The following FAM216A variants were observed in gnomAD, a reference collection of about 807,000 sequenced individuals.
The protein encoded by FAM216A is family with sequence similarity 216 member A, also known as protein FAM216A.
A neutral mutation model predicts 37.6 loss-of-function variants in FAM216A; 26 were observed. The observed-to-expected ratio is 0.69, with a 90% CI of 0.51 to 0.96. The LOEUF (loss-of-function observed/expected upper bound fraction) is 0.96. Among genes scored for constraint, FAM216A ranks in the 40% least tolerant of loss-of-function variants. The probability of loss-of-function intolerance (pLI) is 0.00; values close to 1 mark genes in which losing one functional copy is unlikely to be tolerated. For synonymous variants in FAM216A, 110 were observed against 121.7 expected (o/e 0.90, Z 0.64); for missense variants, 326 against 339.3 (o/e 0.96, Z 0.31).
intron 1 of FAM216A, among the ~76,000 whole-genome samples, chr12:110,472,829 A>G (rs975957438): frequency 6.6e-6 from 1 of 151,666 alleles, no homozygotes; most frequent in African/African-American, 2.4e-5. Context: ...CTAAAAATAC[A>G]AAAATTAGCT....
intron 2 of FAM216A, among the ~76,000 whole-genome samples, chr12:110,477,521 T>C (rs112545905): frequency 6.7e-5 from 10 of 150,282 alleles, no homozygotes; most frequent in African/African-American, 2.4e-4. Flanking sequence ...CTCGCCTAAT[T>C]TTTTTGTATT....
In FAM216A at chr12:110,485,143, C is replaced by A. The variant is rs2062770102; in HGVS notation, c.250C>A (p.Pro84Thr). 6.2e-7 allele frequency: 1 copy of A among 1,612,764 alleles called. No homozygotes were observed. The highest frequency in any genetic ancestry group is 1.3e-5 in the African/African-American group (1 of 74,842). ...TAAGCTGCAAGAGTTATGGAAAACT[C>A]CCCAAAATCAAACAATCCACCTCTC... The part of the protein sequence containing the change: ...IAKLQELWKT[P>T]QNQTIHLSKS... Residue 84 changes from proline to threonine, a missense_variant, in exon 3 of 7, where the codon CCC (proline) becomes ACC (threonine). Physicochemically the swap from Pro to Thr is conservative, Grantham distance 38. Transcript: ENST00000377673.
chr12:110,470,750 T>C (rs1186832339), intron 1 of FAM216A, among the ~76,000 whole-genome samples: 3 of 152,104 alleles, frequency 2.0e-5, no homozygotes, highest in African/African-American at 7.2e-5. Context: ...AGGTTGTTTG[T>C]CCTTTCCTTT....
At position 110,468,944 on chromosome 12, in the gene FAM216A, G is replaced by C; in HGVS notation, c.69G>C (p.Pro23=). 1 of 1,524,824 alleles carries C rather than the reference G, an allele frequency of 6.6e-7. No homozygotes were observed. Among genetic ancestry groups the C allele is most frequent in the Admixed American group, 2.0e-5 (1 of 50,428 alleles). 94.5% of individuals were successfully genotyped at this position (1,524,824 alleles called of 1,614,324 possible). The change falls in exon 1 of 7, where the codon CCG becomes CCC. Residue 23 remains proline (P), a synonymous_variant. Coordinates refer to ENST00000377673, the MANE Select transcript of FAM216A (RefSeq NM_013300.3). ...LGAAEMPGQG[P]GSDWTERSSS... ...CCGCGGAGATGCCCGGCCAGGGTCC[G>C]GGGTCCGACTGGACGGAGCGTAGCT...
At chr12:110,473,001 AAAAT>A in intron 1 of FAM216A, 73 bp from the exon 2 acceptor site, 9 of 614,556 alleles carry the variant, frequency 1.5e-5, no homozygotes, top group Admixed American at 6.9e-5. Flanking sequence ...AAAAAAAAAA[AAAAT>A]TGAAATATGT....
chr12:110,490,184 G>A lies in FAM216A; in HGVS notation c.*47G>A, dbSNP rs2062804256. 1.1e-6 allele frequency: 1 copy of A among 917,036 alleles called. No individual in the cohort carries two copies. Among genetic ancestry groups the A allele is most frequent in the African/African-American group, 1.6e-5 (1 of 61,500 alleles). The allele number at this position is 917,036 out of a possible 1,614,324, so 56.8% of individuals were successfully genotyped here. A position where few individuals can be genotyped will look rare whatever the true frequency, so the allele number is the denominator to read the frequency against. ...ATTCGTGCCAAAGGTGAGGGTAAGG[G>A]GTTGTGAGTTGTGTCCTGTATGTTT... On this transcript the variant is annotated 3_prime_UTR_variant, in exon 7 of 7. Coordinates refer to ENST00000377673, the MANE Select transcript of FAM216A (RefSeq NM_013300.3).
In FAM216A at chr12:110,468,923, G is replaced by C. The variant is rs1395357883; in HGVS notation, c.48G>C (p.Ala16=). 4 of 1,523,100 alleles carry C rather than the reference G, an allele frequency of 2.6e-6. No homozygotes were observed. The African/African-American group carries it at 5.5e-5, about 21-fold the overall frequency. The allele number at this position is 1,523,100 out of a possible 1,614,324, so 94.3% of individuals were successfully genotyped here. A position where few individuals can be genotyped will look rare whatever the true frequency, so the allele number is the denominator to read the frequency against. ...ACACGGCTCGCGGTCTCGGCGCCGC[G>C]GAGATGCCCGGCCAGGGTCCGGGGT... ...LPHTARGLGA[A]EMPGQGPGSD... The change falls in exon 1 of 7, where the codon GCG becomes GCC. Residue 16 remains alanine, a synonymous_variant. Transcript: ENST00000377673.
At chr12:110,489,668 A>T (rs891210103) in intron 6 of FAM216A, among the ~76,000 whole-genome samples, 1 of 151,862 alleles carries the variant, frequency 6.6e-6, no homozygotes, top group Non-Finnish European at 1.5e-5. Flanking sequence ...TAGGGGGGGG[A>T]GTCCCTGTGG....
intron 1 of FAM216A, among the ~76,000 whole-genome samples, chr12:110,471,974 G>A (rs761629217): frequency 2.0e-5 from 3 of 152,164 alleles, no homozygotes; most frequent in Non-Finnish European, 4.4e-5. Flanking sequence ...GCTCACACCT[G>A]TAATCCCAGC....
At chr12:110,483,134 G>T (rs547994489) in intron 2 of FAM216A, among the ~76,000 whole-genome samples, 13 of 151,714 alleles carry the variant, frequency 8.6e-5, no homozygotes, top group African/African-American at 3.1e-4. Context: ...GACCATACTG[G>T]CTAACACAGT....
chr12:110,471,959 T>A (rs544039125), intron 1 of FAM216A, among the ~76,000 whole-genome samples: 41 of 152,208 alleles, frequency 2.7e-4, no homozygotes, highest in African/African-American at 9.4e-4. Flanking sequence ...CGGCATGGCG[T>A]GGTGGCTCAC....
chr12:110,477,810 C>G (rs915597690), intron 2 of FAM216A, among the ~76,000 whole-genome samples: 8 of 152,032 alleles, frequency 5.3e-5, no homozygotes, highest in African/African-American at 1.9e-4. Context: ...CGGGTTCATG[C>G]CATTCTCCTG....
At chr12:110,473,708 G>C (rs745801749) in intron 2 of FAM216A, among the ~76,000 whole-genome samples, 1 of 152,118 alleles carries the variant, frequency 6.6e-6, no homozygotes, top group Non-Finnish European at 1.5e-5. Flanking sequence ...GCACAGCCTG[G>C]GGTTTATACA....
intron 1 of FAM216A, chr12:110,469,325 G>T (rs2062665089): frequency 6.2e-6 from 2 of 325,134 alleles, no homozygotes; most frequent in Middle Eastern, 8.0e-4. Flanking sequence ...TGCGAGCCCT[G>T]CTGGGACGTT....
chr12:110,473,363 C>A (rs2062697379), intron 2 of FAM216A, among the ~76,000 whole-genome samples: 1 of 152,102 alleles, frequency 6.6e-6, no homozygotes, highest in African/African-American at 2.4e-5. Context: ...AGATGCGTGC[C>A]ACCATGCCTG....
intron 1 of FAM216A, among the ~76,000 whole-genome samples, chr12:110,471,713 A>G (rs975151696): frequency 6.6e-6 from 1 of 152,220 alleles, no homozygotes; most frequent in East Asian, 1.9e-4. Flanking sequence ...CAAGAAAACG[A>G]TATGGTGGCT....
At position 110,490,210 on chromosome 12, in the gene FAM216A, AG is replaced by A. The variant is rs2062804425; in HGVS notation, c.*75del. Reference sequence around the variant, plus strand: ...GTTGTGAGTTGTGTCCTGTATGTTTAGGATGGTATTGTTATTTATTAAATCA... The same window carrying A: ...GTTGTGAGTTGTGTCCTGTATGTTTAGATGGTATTGTTATTTATTAAATCA... On this transcript the variant is annotated 3_prime_UTR_variant, in exon 7 of 7. Coordinates refer to ENST00000377673, the MANE Select transcript of FAM216A (RefSeq NM_013300.3). 1 of 787,350 alleles carries A rather than the reference AG, an allele frequency of 1.3e-6. No individual in the cohort carries two copies. Among genetic ancestry groups the A allele is most frequent in the East Asian group, 2.4e-5 (1 of 40,988 alleles). The allele number at this position is 787,350 out of a possible 1,614,324, so 48.8% of individuals were successfully genotyped here. A position where few individuals can be genotyped will look rare whatever the true frequency, so the allele number is the denominator to read the frequency against.
intron 5 of FAM216A, 58 bp from the exon 6 acceptor site, chr12:110,487,803 T>C: frequency 2.9e-6 from 3 of 1,020,606 alleles, no homozygotes; most frequent in Non-Finnish European, 4.6e-6. Context: ...GTCTTCCACA[T>C]GCCCTAGGCA....
chr12:110,472,880 G>A (rs1250436763), intron 1 of FAM216A, among the ~76,000 whole-genome samples, 198 bp from the exon 2 acceptor site: 1 of 149,070 alleles, frequency 6.7e-6, no homozygotes, highest in Non-Finnish European at 1.5e-5. Context: ...GGAGGCTGAG[G>A]TGGGAGAATC....
Sources: gnomAD v4.1 joint callset for allele counts (sites outside exome capture counted in the v4.1 genomes callset) on GRCh38, gnomAD v4.1.1 for gene constraint, MANE v1.5 for transcripts, NCBI Gene and HGNC (gene_info 2026-07-23, HGNC 2026-07-21) for gene names.